Variants in RFX7 observed in about 807,000 individuals in gnomAD.
RFX7 encodes the protein regulatory factor X7, also known as DNA-binding protein RFX7.
Under a neutral mutation model 111.8 loss-of-function variants are expected in RFX7, and 26 were observed. The ratio of observed to expected loss-of-function variants is 0.23; its 90% confidence interval spans 0.17 to 0.32. The LOEUF (loss-of-function observed/expected upper bound fraction) is 0.32. Among genes scored for constraint, RFX7 ranks in the 10% least tolerant of loss-of-function variants. The pLI, the probability that RFX7 is intolerant of heterozygous loss-of-function variation, is 1.00. For missense variants in RFX7, 1,573 were observed against 1,772.9 expected (o/e 0.89, Z 2.02); for synonymous variants, 624 against 624.4 (o/e 1.00, Z 0.01).
chr15:56,150,044 C>CG (rs377545008), intron 3 of RFX7, among the ~76,000 whole-genome samples: 24 of 41,740 alleles, frequency 5.7e-4, no homozygotes, highest in African/African-American at 1.2e-3. Flanking sequence ...CGGGGTGGGG[C>CG]GGGGGGGTCG....
At chr15:56,135,335 T>A (rs1381910036) in intron 5 of RFX7, among the ~76,000 whole-genome samples, 1 of 152,214 alleles carries the variant, frequency 6.6e-6, no homozygotes, top group Non-Finnish European at 1.5e-5. Context: ...TATCTCATTG[T>A]AGTTTTGATT....
In RFX7 at chr15:56,094,349, C is replaced by T; in HGVS notation, c.3379G>A (p.Val1127Met). The T allele has an allele frequency of 6.2e-7, 1 of 1,613,946 alleles. No individual in the cohort carries two copies. Among genetic ancestry groups the T allele is most frequent in the South Asian group, 1.1e-5 (1 of 91,072 alleles). The part of the protein sequence containing the change: ...HFGRLTPVSP[V>M]QHQGATVNNT... ...TTTACAGTGGCACCTTGATGCTGCA[C>T]AGGAGAGACAGGAGTCAAACGACCA... Residue 1127 changes from valine (V) to methionine (M), a missense_variant, in exon 10 of 10, where the codon GTG becomes ATG. Physicochemically the swap from Val to Met is conservative, Grantham distance 21 (BLOSUM62 1). This residue lies in a region of RFX7 where 411 missense variants were observed against 478.1 expected (regional missense o/e 0.86). Coordinates refer to ENST00000559447, the MANE Select transcript of RFX7 (RefSeq NM_022841.7).
At chr15:56,118,984 A>AT (rs2042042651) in intron 5 of RFX7, among the ~76,000 whole-genome samples, 1 of 152,252 alleles carries the variant, frequency 6.6e-6, no homozygotes, top group African/African-American at 2.4e-5. Context: ...TGCCATCTGT[A>AT]TGTCTTCTGA....
chr15:56,182,057 G>C (rs2042980357), intron 2 of RFX7, among the ~76,000 whole-genome samples: 1 of 151,980 alleles, frequency 6.6e-6, no homozygotes, highest in South Asian at 2.1e-4. Context: ...TCCCAGAAGA[G>C]ACCACTATCT....
At chr15:56,101,990 A>G (rs1452869305) in intron 7 of RFX7, among the ~76,000 whole-genome samples, 179 bp downstream of exon 7, 1 of 152,074 alleles carries the variant, frequency 6.6e-6, no homozygotes, top group Non-Finnish European at 1.5e-5. Flanking sequence ...GTTCCCCCAA[A>G]TTTCATGTTG....
intron 5 of RFX7, among the ~76,000 whole-genome samples, chr15:56,114,727 GAC>G (rs1403093506): frequency 6.6e-6 from 1 of 151,870 alleles, no homozygotes; most frequent in Non-Finnish European, 1.5e-5. Context: ...TATCATATAT[GAC>G]CCTCCTTAAC....
intron 5 of RFX7, among the ~76,000 whole-genome samples, chr15:56,135,320 G>C (rs1261186029): frequency 2.0e-5 from 3 of 152,208 alleles, no homozygotes; most frequent in African/African-American, 4.8e-5. Context: ...ACTGGTGTGA[G>C]ATGGTATCTC....
intron 2 of RFX7, among the ~76,000 whole-genome samples, chr15:56,234,765 G>A (rs565979655): frequency 6.6e-6 from 1 of 152,202 alleles, no homozygotes; most frequent in African/African-American, 2.4e-5. Flanking sequence ...TCATATTGTA[G>A]ACTACTGATT....
chr15:56,221,099 T>C (rs2043422250), intron 2 of RFX7, among the ~76,000 whole-genome samples: 1 of 152,252 alleles, frequency 6.6e-6, no homozygotes, highest in Non-Finnish European at 1.5e-5. Flanking sequence ...CATAATAGTT[T>C]GAAGTCAGGT....
intron 8 of RFX7, among the ~76,000 whole-genome samples, chr15:56,098,903 A>T (rs1382216487): frequency 6.6e-6 from 1 of 152,234 alleles, no homozygotes; most frequent in Non-Finnish European, 1.5e-5. Context: ...CCAGCAATTC[A>T]TGGAAATAGG....
intron 2 of RFX7, chr15:56,192,848 A>T: frequency 4.5e-6 from 1 of 222,904 alleles, no homozygotes; most frequent in Non-Finnish European, 9.7e-6. Flanking sequence ...GCAAAGAGGA[A>T]GTGCTGCTGG....
At position 56,096,623 on chromosome 15, in the gene RFX7, G is replaced by A; in HGVS notation, c.1108-3C>T. 6.4e-7 allele frequency: 1 copy of A among 1,561,182 alleles called. No individual in the cohort carries two copies. The highest frequency in any genetic ancestry group is 8.7e-7 in the Non-Finnish European group (1 of 1,150,170). On this transcript the variant is annotated splice_polypyrimidine_tract_variant and splice_region_variant and intron_variant, in intron 9 of 9. Transcript: ENST00000559447. ...ACCAATTGCCTAGTCCGCTGGACCT[G>A]TTAAAAGATAGCAAAAAATCAGATT...
chr15:56,187,431 G>A (rs2043053491), intron 2 of RFX7, among the ~76,000 whole-genome samples: 1 of 152,044 alleles, frequency 6.6e-6, no homozygotes, highest in African/African-American at 2.4e-5. Context: ...GGCTGGTCTA[G>A]AACTCCTGAG....
Position 56,102,870 on chromosome 15 carries a change from A to AC in RFX7, c.519-618dup, listed in dbSNP as rs1415082005. Among the ~76,000 whole-genome samples the AC allele has an allele frequency of 7.2e-5, 11 of 152,296 alleles. No homozygotes were observed. The East Asian group carries it at 1.9e-3, about 27-fold the overall frequency. On this transcript the variant is annotated intron_variant, in intron 6 of 9. Coordinates refer to ENST00000559447, the MANE Select transcript of RFX7 (RefSeq NM_022841.7). ...CTCCATTTTATGCTCTGAAAAAAAGACAAGAGCTAAGGGGGAGAAAATGGA... is the reference window on the plus strand; with the variant it reads ...CTCCATTTTATGCTCTGAAAAAAAGACCAAGAGCTAAGGGGGAGAAAATGGA...
At position 56,095,988 on chromosome 15, in the gene RFX7, C is replaced by T. The variant is rs2140514641; in HGVS notation, c.1740G>A (p.Gln580=). The change falls in exon 10 of 10, where the codon CAG becomes CAA. Residue 580 remains glutamine (Q), a synonymous_variant. Transcript: ENST00000559447. ...GQKSNTDGAL[Q]KPSNEGVIEI... ...CAATGACACCTTCATTTGAAGGTTTCTGCAGTGCTCCGTCTGTATTACTTT... is the reference window on the plus strand; with the variant it reads ...CAATGACACCTTCATTTGAAGGTTTTTGCAGTGCTCCGTCTGTATTACTTT... 6.2e-7 allele frequency: 1 copy of T among 1,612,176 alleles called. No individual in the cohort carries two copies. Among genetic ancestry groups the T allele is most frequent in the South Asian group, 1.1e-5 (1 of 90,966 alleles).
intron 2 of RFX7, among the ~76,000 whole-genome samples, chr15:56,236,026 T>C (rs566423354): frequency 6.6e-6 from 1 of 152,040 alleles, no homozygotes; most frequent in African/African-American, 2.4e-5. Context: ...ACTCAAATAG[T>C]AAGGAATATC....
At chr15:56,122,989 A>G (rs1478562782) in intron 5 of RFX7, among the ~76,000 whole-genome samples, 3 of 152,022 alleles carry the variant, frequency 2.0e-5, no homozygotes, top group Admixed American at 2.0e-4. Flanking sequence ...TAGGTCGACA[A>G]AAACCATCTA....
At chr15:56,109,676 CG>C (rs1271979704) in intron 5 of RFX7, among the ~76,000 whole-genome samples, 4 of 150,482 alleles carry the variant, frequency 2.7e-5, no homozygotes, top group African/African-American at 9.8e-5. Context: ...GTCTGAGATG[CG>C]GGGAGCGCCT....
At chr15:56,224,171 T>C (rs1411995490) in intron 2 of RFX7, among the ~76,000 whole-genome samples, 1 of 152,160 alleles carries the variant, frequency 6.6e-6, no homozygotes, top group African/African-American at 2.4e-5. Flanking sequence ...TTGTAAAATT[T>C]TGTAAAATGA....
Sources: gnomAD v4.1 joint callset for allele counts (sites outside exome capture counted in the v4.1 genomes callset) on GRCh38, gnomAD v4.1.1 for gene constraint, gnomAD v4.1.1 regional missense constraint, MANE v1.5 for transcripts, NCBI Gene and HGNC (gene_info 2026-07-23, HGNC 2026-07-21) for gene names.